The following SSH2 variants were observed in gnomAD, a reference collection of about 807,000 sequenced individuals.
SSH2 encodes the protein slingshot protein phosphatase 2.
Under a neutral mutation model 135.2 loss-of-function variants are expected in SSH2, and 37 were observed. The ratio of observed to expected loss-of-function variants is 0.27; its 90% CI spans 0.21 to 0.36. SSH2 has a LOEUF of 0.36. Ranked by LOEUF, SSH2 falls within the 10% of genes least tolerant of loss-of-function variation. The pLI, the probability that SSH2 is intolerant of heterozygous loss-of-function variation, is 1.00. For missense variants in SSH2, 1,408 were observed against 1,765.3 expected, an observed-to-expected ratio of 0.80 and a Z score of 3.63; for synonymous variants, 628 against 646.2, an observed-to-expected ratio of 0.97 and a Z score of 0.43.
intron 3 of SSH2, among the ~76,000 whole-genome samples, chr17:29,736,810 AAAAAAT>A: frequency 7.2e-6 from 1 of 139,072 alleles, no homozygotes; most frequent in Non-Finnish European, 1.5e-5. Context: ...AAAAAAAAAA[AAAAAAT>A]GGGCCGGGCA....
rs568996800 is a variant in SSH2 at position 29,705,506 on chromosome 17, C to G, written c.189-2444G>C. Among the ~76,000 whole-genome samples the G allele has an allele frequency of 2.6e-5, 4 of 152,246 alleles. No individual in the cohort carries two copies. The East Asian group carries it at 7.7e-4, about 29-fold the overall frequency. On this transcript the variant is annotated intron_variant, in intron 3 of 15. Transcript: ENST00000540801. ...GTCTATCTGCAACCACTTCTGCCCT[C>G]GATTATCTATCTACTCACCAAATAG...
chr17:29,707,579 G>A (rs2151137157), intron 3 of SSH2, among the ~76,000 whole-genome samples: 1 of 151,328 alleles, frequency 6.6e-6, no homozygotes, highest in South Asian at 2.1e-4. Flanking sequence ...AGGCTGGAGT[G>A]CAATGGTGAG....
intron 2 of SSH2, among the ~76,000 whole-genome samples, chr17:29,794,601 A>G (rs982553780): frequency 1.3e-5 from 2 of 152,228 alleles, no homozygotes; most frequent in Non-Finnish European, 2.9e-5. Context: ...ATGCCAAACA[A>G]TGATGACAAC....
intron 1 of SSH2, among the ~76,000 whole-genome samples, chr17:29,910,005 G>T (rs2151471818): frequency 6.6e-6 from 1 of 152,324 alleles, no homozygotes; most frequent in South Asian, 2.1e-4. Context: ...GAGTGCACTG[G>T]CATGATCACA....
chr17:29,812,537 G>A (rs1438456696), intron 2 of SSH2, among the ~76,000 whole-genome samples: 11 of 152,102 alleles, frequency 7.2e-5, no homozygotes, highest in Non-Finnish European at 1.0e-4. Context: ...TCCTGCCTTG[G>A]TCTCCCAAAG....
rs1041398858 is a variant in SSH2 at position 29,648,325 on chromosome 17, G to A, written c.1246C>T (p.Leu416Phe). Residue 416 changes from leucine (L) to phenylalanine (F), a missense_variant, in exon 14 of 16, where the codon CTT (leucine) becomes TTT (phenylalanine). Around this residue, in one of 3 missense-constraint regions of SSH2, gnomAD observed 106 missense variants for 265.2 expected, o/e 0.40. Transcript: ENST00000540801. ...CTCACCCCCATTTTGCAGTGCACAA[G>A]GCATTTAGATCCATGTTTCCTTGTT... ...SKAKKHGSKC[L>F]VHCKMGVSRS... 17 of 1,610,136 alleles carry A rather than the reference G, an allele frequency of 1.1e-5. No individual in the cohort carries two copies. Among genetic ancestry groups the A allele is most frequent in the Non-Finnish European group, 1.2e-5 (14 of 1,177,268 alleles).
chr17:29,648,079 AG>A, intron 14 of SSH2, 64 bp downstream of exon 14: 1 of 1,436,362 alleles, frequency 7.0e-7, no homozygotes, highest in Non-Finnish European at 9.8e-7. Context: ...GCTACAGAGA[AG>A]GACACTTCAT....
intron 8 of SSH2, among the ~76,000 whole-genome samples, chr17:29,673,569 CAA>C (rs1230226229): frequency 2.2e-4 from 23 of 104,744 alleles, no homozygotes; most frequent in Admixed American, 6.0e-4. Context: ...GACACAATCT[CAA>C]AAAAAAAAAA....
chr17:29,671,898 G>A (rs1035096979), intron 9 of SSH2, 37 bp downstream of exon 9: 7 of 1,565,224 alleles, frequency 4.5e-6, no homozygotes, highest in Admixed American at 3.4e-5. Context: ...AGGACATAAT[G>A]GAGAGAACTT....
intron 2 of SSH2, among the ~76,000 whole-genome samples, chr17:29,797,881 CTAAAAT>C (rs141652247): frequency 0.089 from 13,577 of 152,032 alleles, 746 homozygotes; most frequent in Admixed American, 0.13. Flanking sequence ...GAGTGAGACT[CTAAAAT>C]TAAATAAATA....
intron 2 of SSH2, among the ~76,000 whole-genome samples, chr17:29,814,224 A>G (rs948578701): frequency 6.7e-6 from 1 of 148,794 alleles, no homozygotes; most frequent in African/African-American, 2.5e-5. Context: ...TCACCAGGTC[A>G]GGAGTTCGAG....
intron 2 of SSH2, among the ~76,000 whole-genome samples, chr17:29,829,492 A>G (rs1440200083): frequency 6.6e-6 from 1 of 151,478 alleles, no homozygotes; most frequent in Non-Finnish European, 1.5e-5. Context: ...GTGTCTGTAC[A>G]TATATATATG....
chr17:29,647,851 C>A, intron 14 of SSH2: 1 of 314,358 alleles, frequency 3.2e-6, no homozygotes, highest in Non-Finnish European at 6.1e-6. Flanking sequence ...TAAGTAGAGA[C>A]GGGGTTTCAC....
At chr17:29,892,409 T>C (rs1567635552) in intron 1 of SSH2, among the ~76,000 whole-genome samples, 1 of 152,120 alleles carries the variant, frequency 6.6e-6, no homozygotes, top group Non-Finnish European at 1.5e-5. Context: ...CTGAAAAGTC[T>C]GGTTTTCTAG....
At chr17:29,828,098 T>A (rs534957659) in intron 2 of SSH2, among the ~76,000 whole-genome samples, 2 of 152,264 alleles carry the variant, frequency 1.3e-5, no homozygotes, top group South Asian at 4.1e-4. Context: ...AGATAAAGGA[T>A]AAGATACAAA....
intron 2 of SSH2, among the ~76,000 whole-genome samples, chr17:29,838,048 T>C (rs2042974194): frequency 6.6e-6 from 1 of 152,236 alleles, no homozygotes; most frequent in Non-Finnish European, 1.5e-5. Context: ...CAGGCATCTC[T>C]ATACTTTTGA....
intron 3 of SSH2, among the ~76,000 whole-genome samples, chr17:29,753,793 A>G (rs909611064): frequency 4.0e-5 from 1 of 25,276 alleles, no homozygotes; most frequent in Admixed American, 2.7e-4. Context: ...ACTCTGTCTG[A>G]AAAAAAAAAA....
Position 29,632,659 on chromosome 17 carries a change from T to C in SSH2, c.2535A>G (p.Lys845=). Residue 845 remains lysine, a synonymous_variant, in exon 16 of 16, where the codon AAA becomes AAG. Coordinates refer to ENST00000540801, the MANE Select transcript of SSH2 (RefSeq NM_001282129.2). ...DSCTAQPELA[K]DSGMCNPEGC... ...CTTCTGGGTTGCACATCCCTGAGTC[T>C]TTGGCTAGTTCAGGCTGGGCTGTGC... 1 of 1,614,166 alleles carries C rather than the reference T, an allele frequency of 6.2e-7. No individual in the cohort carries two copies.
At chr17:29,763,946 CTTTT>C (rs57261890) in intron 3 of SSH2, among the ~76,000 whole-genome samples, 60 of 139,738 alleles carry the variant, frequency 4.3e-4, no homozygotes, top group African/African-American at 1.6e-3. Context: ...ATGTCTCCTG[CTTTT>C]TTTTTTTTTT....
Sources: allele counts gnomAD v4.1 joint callset (sites outside exome capture counted in the v4.1 genomes callset), GRCh38; gene constraint gnomAD v4.1.1; regional missense constraint gnomAD v4.1.1; transcripts MANE v1.5; gene names NCBI Gene and HGNC (gene_info 2026-07-23, HGNC 2026-07-21).